The following LAMB4 variants were observed in gnomAD, a reference collection of about 807,000 sequenced individuals.
LAMB4 encodes the protein laminin subunit beta 4.
LAMB4 carries 196 observed loss-of-function variants against 199.2 expected under a neutral mutation model. The ratio of observed to expected loss-of-function variants is 0.98; its 90% CI spans 0.88 to 1.11. The LOEUF (loss-of-function observed/expected upper bound fraction) is 1.11. Ranked by LOEUF, LAMB4 falls within the 50% of genes least tolerant of loss-of-function variation. The pLI is 0.00. For missense variants in LAMB4, 2,080 were observed against 2,171.2 expected, an observed-to-expected ratio of 0.96 and a Z score of 0.83; for synonymous variants, 744 against 770.6, an observed-to-expected ratio of 0.97 and a Z score of 0.57.
intron 24 of LAMB4, among the ~76,000 whole-genome samples, chr7:108,056,824 G>C (rs2150534964): frequency 6.6e-6 from 1 of 152,136 alleles, no homozygotes; most frequent in East Asian, 1.9e-4. Context: ...ACAAAAATTA[G>C]CCAGGTGTGG....
intron 30 of LAMB4, among the ~76,000 whole-genome samples, 198 bp from the exon 31 acceptor site, chr7:108,034,544 C>T (rs936984069): frequency 1.3e-5 from 2 of 152,160 alleles, no homozygotes; most frequent in African/African-American, 4.8e-5. Flanking sequence ...AAAAACCCCA[C>T]ACACGTATAT....
chr7:108,067,270 C>T (rs1333517281), intron 19 of LAMB4, among the ~76,000 whole-genome samples: 1 of 152,178 alleles, frequency 6.6e-6, no homozygotes, highest in East Asian at 1.9e-4. Flanking sequence ...TGGCCATGCC[C>T]AAGCAATGCC....
intron 18 of LAMB4, among the ~76,000 whole-genome samples, chr7:108,068,360 T>C (rs569280294): frequency 1.8e-4 from 28 of 152,344 alleles, no homozygotes; most frequent in South Asian, 8.3e-4. Flanking sequence ...GCGAAGTAGT[T>C]AGAATAGTGC....
At chr7:108,107,939 G>GTTTGT (rs1208351171) in intron 5 of LAMB4, 120 bp from the exon 6 acceptor site, 1 of 747,258 alleles carries the variant, frequency 1.3e-6, no homozygotes, top group South Asian at 2.0e-5. Flanking sequence ...TCTTTTTGTT[G>GTTTGT]TTTGTTTTGT....
chr7:108,084,326 A>C (rs1327064323), intron 14 of LAMB4, among the ~76,000 whole-genome samples: 1 of 152,196 alleles, frequency 6.6e-6, no homozygotes, highest in Non-Finnish European at 1.5e-5. Context: ...GAGTGAACTT[A>C]ATGTAAGAAG....
intron 16 of LAMB4, 31 bp from the exon 17 acceptor site, chr7:108,077,095 G>T: frequency 1.2e-6 from 2 of 1,608,644 alleles, no homozygotes; most frequent in South Asian, 2.2e-5. Context: ...CAAAAATTCA[G>T]ACCACAGAAA....
chr7:108,052,361 T>C (rs2035853304), intron 25 of LAMB4, 104 bp from the exon 26 acceptor site: 2 of 795,654 alleles, frequency 2.5e-6, no homozygotes, highest in African/African-American at 3.5e-5. Flanking sequence ...AATTCTTGAT[T>C]AGAAGGGATT....
At chr7:108,053,816 C>A (rs548684899) in intron 25 of LAMB4, among the ~76,000 whole-genome samples, 1 of 152,302 alleles carries the variant, frequency 6.6e-6, no homozygotes, top group Non-Finnish European at 1.5e-5. Context: ...TGGTGTCTAA[C>A]CACAAGCTTG....
At chr7:108,018,729 C>T (rs1216209130), downstream of LAMB4, among the ~76,000 whole-genome samples, 2 of 152,082 alleles carry the variant, frequency 1.3e-5, no homozygotes, top group Non-Finnish European at 2.9e-5. Context: ...AAAAGAGGCC[C>T]TCCTACACAG....
In LAMB4 at chr7:108,111,950, G is replaced by A. The variant is rs777207777; in HGVS notation, c.193-4C>T. ...AGATGAAGCATTTTTGTTCCCCCTG[G>A]AAAACACCATTATTAAAATTAAAAA... On this transcript the variant is annotated splice_region_variant and splice_polypyrimidine_tract_variant and intron_variant, in intron 3 of 33. Transcript: ENST00000388781. 6 of 1,586,314 alleles carry A rather than the reference G, an allele frequency of 3.8e-6. No individual in the cohort carries two copies. The highest frequency in any genetic ancestry group is 5.1e-6 in the Non-Finnish European group (6 of 1,170,654).
At chr7:108,083,478 C>T (rs2037038428) in intron 14 of LAMB4, among the ~76,000 whole-genome samples, 1 of 152,186 alleles carries the variant, frequency 6.6e-6, no homozygotes, top group African/African-American at 2.4e-5. Context: ...GTAATATCCC[C>T]TCTGCACAAT....
At chr7:108,062,547 TCA>T in intron 23 of LAMB4, 1 of 336,528 alleles carries the variant, frequency 3.0e-6, no homozygotes, top group Non-Finnish European at 5.3e-6. Flanking sequence ...ACTTCCTCAG[TCA>T]CAGAGAGAAA....
intron 14 of LAMB4, among the ~76,000 whole-genome samples, chr7:108,085,276 A>G (rs1023198334): frequency 6.6e-6 from 1 of 152,234 alleles, no homozygotes; most frequent in Non-Finnish European, 1.5e-5. Context: ...AATGAAATAC[A>G]TATGTATATA....
intron 29 of LAMB4, among the ~76,000 whole-genome samples, chr7:108,040,623 T>G (rs2035390502): frequency 6.6e-6 from 1 of 152,184 alleles, no homozygotes; most frequent in Non-Finnish European, 1.5e-5. Flanking sequence ...TAGAACTATC[T>G]GATCTTTGAC....
intron 23 of LAMB4, among the ~76,000 whole-genome samples, chr7:108,060,857 G>T (rs755026181): frequency 6.6e-6 from 1 of 152,244 alleles, no homozygotes; most frequent in South Asian, 2.1e-4. Flanking sequence ...CGAGGAGGAA[G>T]AGCATAGCTC....
chr7:108,123,027 A>G (rs987993017), intron 2 of LAMB4, 104 bp downstream of exon 2: 6 of 981,208 alleles, frequency 6.1e-6, no homozygotes, highest in Non-Finnish European at 7.5e-6. Flanking sequence ...CTACATAAGC[A>G]TACAGCACTA....
intron 27 of LAMB4, 62 bp from the exon 28 acceptor site, chr7:108,048,173 T>C: frequency 7.0e-7 from 1 of 1,426,466 alleles, no homozygotes. Flanking sequence ...TTTTTTTTTT[T>C]TTTTTTTTTG....
chr7:108,060,061 C>T (rs115505436), intron 23 of LAMB4, among the ~76,000 whole-genome samples: 103 of 152,312 alleles, frequency 6.8e-4, no homozygotes, highest in African/African-American at 2.4e-3. Context: ...AGACATCTAT[C>T]AGTAGTTGTT....
intron 30 of LAMB4, among the ~76,000 whole-genome samples, chr7:108,036,937 T>C (rs2035252525): frequency 6.6e-6 from 1 of 150,910 alleles, no homozygotes; most frequent in Admixed American, 6.6e-5. Flanking sequence ...CTAATATCTT[T>C]TTACTGAGAA....
Sources: allele counts gnomAD v4.1 joint callset (sites outside exome capture counted in the v4.1 genomes callset), GRCh38; gene constraint gnomAD v4.1.1; transcripts MANE v1.5; gene names NCBI Gene and HGNC (gene_info 2026-07-23, HGNC 2026-07-21).